Variants in MFHAS1 observed in about 807,000 individuals in gnomAD.
MFHAS1 encodes malignant fibrous histiocytoma-amplified sequence 1.
A neutral mutation model predicts 70.4 loss-of-function variants in MFHAS1; 50 were observed. The observed-to-expected ratio is 0.71, with a 90% CI of 0.57 to 0.90. The LOEUF is 0.90. Ranked by LOEUF, MFHAS1 falls within the 40% of genes least tolerant of loss-of-function variation. The pLI, the probability that MFHAS1 is intolerant of heterozygous loss-of-function variation, is 0.00. For missense variants in MFHAS1, 1,795 were observed against 1,347.6 expected, an observed-to-expected ratio of 1.33 and a Z score of -5.20; for synonymous variants, 952 against 620.0, an observed-to-expected ratio of 1.54 and a Z score of -7.96.
rs756395006 is a variant in MFHAS1 at position 8,892,662 on chromosome 8, C to A, written c.397G>T (p.Ala133Ser). 7.6e-6 allele frequency: 12 copies of A among 1,588,986 alleles called. No individual in the cohort carries two copies. The East Asian group carries it at 9.1e-5, about 12-fold the overall frequency. Residue 133 changes from alanine to serine, a missense_variant, in exon 1 of 3, where the codon GCT becomes TCT. Physicochemically the swap from Ala to Ser is moderately conservative, Grantham distance 99. Coordinates refer to ENST00000276282, the MANE Select transcript of MFHAS1 (RefSeq NM_004225.3). The surrounding 1 kb of genome is among the most constrained non-coding windows in gnomAD (Gnocchi z 4.7). ...TTGAGCTTCCGCAGCTCCCTCAGAG[C>A]ACTCACCACCTCCGCGCCCAGGGCG... The part of the protein sequence containing the change: ...LTALGAEVVS[A>S]LRELRKLNLS...
chr8:8,844,439 C>T (rs1478625219), intron 1 of MFHAS1, among the ~76,000 whole-genome samples: 2 of 152,184 alleles, frequency 1.3e-5, no homozygotes, highest in Admixed American at 1.3e-4. Context: ...TACCAAAATA[C>T]AAATAAGCCT....
At chr8:8,874,305 T>C (rs1261641874) in intron 1 of MFHAS1, among the ~76,000 whole-genome samples, 1 of 151,238 alleles carries the variant, frequency 6.6e-6, no homozygotes, top group Non-Finnish European at 1.5e-5. Flanking sequence ...TACTATGCTA[T>C]ATTTGTAGGA....
chr8:8,800,982 G>A (rs1326282753), intron 1 of MFHAS1, among the ~76,000 whole-genome samples: 2 of 152,098 alleles, frequency 1.3e-5, no homozygotes, highest in Admixed American at 6.5e-5. Flanking sequence ...CTGGGAGGCC[G>A]AGGTGGGCGG....
chr8:8,815,783 C>G (rs946096255), intron 1 of MFHAS1, among the ~76,000 whole-genome samples: 1 of 152,128 alleles, frequency 6.6e-6, no homozygotes, highest in African/African-American at 2.4e-5. Context: ...ACCATGTTAC[C>G]CAGCTATGCC....
chr8:8,842,142 C>A (rs11992868), intron 1 of MFHAS1, among the ~76,000 whole-genome samples: 3 of 152,142 alleles, frequency 2.0e-5, no homozygotes, highest in Non-Finnish European at 4.4e-5. Flanking sequence ...GCACGACCCA[C>A]CCTACCTTCT....
chr8:8,824,562 CACACA>C (rs1254630182), intron 1 of MFHAS1, among the ~76,000 whole-genome samples: 4 of 122,436 alleles, frequency 3.3e-5, no homozygotes, highest in Admixed American at 9.4e-5. Flanking sequence ...CACACACACA[CACACA>C]CCCCTTTCTG....
At chr8:8,838,517 A>C (rs576630589) in intron 1 of MFHAS1, among the ~76,000 whole-genome samples, 5 of 152,188 alleles carry the variant, frequency 3.3e-5, no homozygotes, top group Admixed American at 3.3e-4. Flanking sequence ...GCCTCACATA[A>C]AATTCCATAT....
intron 2 of MFHAS1, among the ~76,000 whole-genome samples, chr8:8,794,838 G>A (rs768915996): frequency 3.9e-5 from 6 of 152,082 alleles, no homozygotes; most frequent in Non-Finnish European, 7.3e-5. Flanking sequence ...GCCATGTACC[G>A]CCGCTTACCC....
At chr8:8,792,887 A>G (rs1185901127) in intron 2 of MFHAS1, among the ~76,000 whole-genome samples, 2 of 151,972 alleles carry the variant, frequency 1.3e-5, no homozygotes, top group Admixed American at 6.5e-5. Context: ...AATTTTTCAG[A>G]GCGACCCAGG....
Position 8,890,791 on chromosome 8 carries a change from G to T in MFHAS1, c.2268C>A (p.Thr756=). The change falls in exon 1 of 3, where the codon ACC becomes ACA. Residue 756 remains threonine (T), a synonymous_variant. Transcript: ENST00000276282. ...CCCCCTCCGCCTTGCCCTCTCCACT[G>T]GTCCCTAGGAGCAGCTTATGCAGCA... ...SLLLHKLLLG[T]SGEGKAEGES... 4 of 1,614,140 alleles carry T rather than the reference G, an allele frequency of 2.5e-6. No homozygotes were observed. In the South Asian group the frequency reaches 4.4e-5, roughly 18 times the overall value.
At chr8:8,889,537 T>A (rs1425815585) in intron 1 of MFHAS1, among the ~76,000 whole-genome samples, 1 of 152,244 alleles carries the variant, frequency 6.6e-6, no homozygotes, top group Non-Finnish European at 1.5e-5. Flanking sequence ...CAATCTGATT[T>A]CTATGCATTG....
intron 1 of MFHAS1, among the ~76,000 whole-genome samples, chr8:8,836,786 C>T (rs1807612600): frequency 6.6e-6 from 1 of 152,176 alleles, no homozygotes; most frequent in African/African-American, 2.4e-5. Flanking sequence ...CCTTTAGTTT[C>T]CTTTCTGCAC....
Position 8,891,632 on chromosome 8 carries a change from T to C in MFHAS1, c.1427A>G (p.Tyr476Cys). Reference sequence around the variant, plus strand: ...ATAACTTTCATCCCCAGCTAAGTCATACACGATGAACCGCAGGCCCCGGGA... The same window carrying C: ...ATAACTTTCATCCCCAGCTAAGTCACACACGATGAACCGCAGGCCCCGGGA... ...DASRGLRFIV[Y>C]DLAGDESYEV... The change falls in exon 1 of 3, where the codon TAT becomes TGT. Residue 476 changes from tyrosine (Y) to cysteine (C), a missense_variant. Coordinates refer to ENST00000276282, the MANE Select transcript of MFHAS1 (RefSeq NM_004225.3). This position sits in a 1 kb window ranked among gnomAD's most constrained non-coding sequence, Gnocchi z 5.4. 6.2e-7 allele frequency: 1 copy of C among 1,613,598 alleles called. No homozygotes were observed. The highest frequency in any genetic ancestry group is 8.5e-7 in the Non-Finnish European group (1 of 1,180,020).
chr8:8,848,531 C>T (rs1808117557), intron 1 of MFHAS1, among the ~76,000 whole-genome samples: 1 of 152,168 alleles, frequency 6.6e-6, no homozygotes, highest in African/African-American at 2.4e-5. Flanking sequence ...AACTCAAAAA[C>T]CCCTGATCAT....
At chr8:8,833,394 G>A (rs557038000) in intron 1 of MFHAS1, among the ~76,000 whole-genome samples, 8 of 152,216 alleles carry the variant, frequency 5.3e-5, no homozygotes, top group African/African-American at 1.7e-4. Flanking sequence ...ATGGAGAGGC[G>A]GAAGTGGGAG....
chr8:8,850,201 C>G (rs984456654), intron 1 of MFHAS1, among the ~76,000 whole-genome samples: 21 of 152,272 alleles, frequency 1.4e-4, no homozygotes, highest in African/African-American at 4.8e-4. Flanking sequence ...TCACCTACAC[C>G]CCTTGTAAAC....
intron 1 of MFHAS1, among the ~76,000 whole-genome samples, chr8:8,854,614 G>A (rs1052924309): frequency 6.6e-6 from 1 of 151,854 alleles, no homozygotes; most frequent in African/African-American, 2.4e-5. Context: ...GAACCTTGGA[G>A]GTGGAGGTTG....
At chr8:8,852,348 C>T (rs1808277446) in intron 1 of MFHAS1, among the ~76,000 whole-genome samples, 1 of 152,046 alleles carries the variant, frequency 6.6e-6, no homozygotes, top group Non-Finnish European at 1.5e-5. Flanking sequence ...GTGGCATGCA[C>T]CTGTAATCCC....
intron 1 of MFHAS1, among the ~76,000 whole-genome samples, chr8:8,846,380 G>A (rs1808041258): frequency 6.7e-6 from 1 of 150,312 alleles, no homozygotes; most frequent in Non-Finnish European, 1.5e-5. Flanking sequence ...AGAAGGAGAA[G>A]AAAATGACCA....
Sources: gnomAD v4.1 joint callset for allele counts (sites outside exome capture counted in the v4.1 genomes callset) on GRCh38, gnomAD v4.1.1 for gene constraint, Gnocchi (gnomAD v3.1) non-coding constraint, MANE v1.5 for transcripts, NCBI Gene and HGNC (gene_info 2026-07-23, HGNC 2026-07-21) for gene names.